The following DSCAM variants were observed in gnomAD, a reference collection of about 807,000 sequenced individuals.
DSCAM encodes DS cell adhesion molecule.
In DSCAM, 47 loss-of-function variants were observed where a neutral mutation model predicts 217.7. The observed-to-expected ratio is 0.22, with a 90% CI of 0.17 to 0.28. DSCAM has a LOEUF of 0.28. Ranked by LOEUF, DSCAM falls within the 10% of genes least tolerant of loss-of-function variation. The pLI is 1.00. For missense variants in DSCAM, 2,080 were observed against 2,618.3 expected (o/e 0.79, Z 4.49); for synonymous variants, 1,056 against 1,015.3 (o/e 1.04, Z -0.76).
intron 10 of DSCAM, among the ~76,000 whole-genome samples, chr21:40,294,496 A>G (rs1228271125): frequency 2.0e-5 from 3 of 152,236 alleles, no homozygotes; most frequent in Non-Finnish European, 4.4e-5. Context: ...GCCCTTGGGC[A>G]GTACAGAGTA....
In DSCAM at chr21:40,801,365, G is replaced by A. The variant is rs143151256; in HGVS notation, c.43+45254C>T. 1.7e-3 allele frequency among the ~76,000 whole-genome samples: 258 copies of A among 152,352 alleles called. 6 individuals are homozygous for A. The South Asian group carries it at 0.022, about 13-fold the overall frequency. On this transcript the variant is annotated intron_variant, in intron 1 of 32. Transcript: ENST00000400454. Reference sequence around the variant, plus strand: ...TTTGAAAAGCTCTCATCTTGGCCAAGTGAAAAGTTAATAAGTGTGTTCAGG... The same window carrying A: ...TTTGAAAAGCTCTCATCTTGGCCAAATGAAAAGTTAATAAGTGTGTTCAGG...
chr21:40,626,212 C>T (rs1260570912), intron 3 of DSCAM, among the ~76,000 whole-genome samples: 1 of 152,054 alleles, frequency 6.6e-6, no homozygotes, highest in African/African-American at 2.4e-5. Flanking sequence ...CTTGATTTTA[C>T]CATCTTCCTG....
chr21:40,133,842 C>T lies in DSCAM; in HGVS notation c.3562+12G>A, dbSNP rs1355899365. 1 of 1,591,912 alleles carries T rather than the reference C, an allele frequency of 6.3e-7. No individual in the cohort carries two copies. Among genetic ancestry groups the T allele is most frequent in the Non-Finnish European group, 8.6e-7 (1 of 1,168,736 alleles). On this transcript the variant is annotated intron_variant, in intron 19 of 32. Coordinates refer to ENST00000400454, the MANE Select transcript of DSCAM (RefSeq NM_001389.5). ...AGCAACTGCTGGGACCCACCGCCCA[C>T]CCGTCTCTCACCATCCTCTTTGGTC... is the stretch of plus-strand genomic sequence containing the variant.
At chr21:40,771,253 T>G (rs2091442254) in intron 1 of DSCAM, among the ~76,000 whole-genome samples, 1 of 152,176 alleles carries the variant, frequency 6.6e-6, no homozygotes, top group African/African-American at 2.4e-5. Context: ...GTATTTTCAT[T>G]GAGCAGGCCA....
At chr21:40,077,073 G>A (rs775065958) in intron 26 of DSCAM, among the ~76,000 whole-genome samples, 2 of 152,162 alleles carry the variant, frequency 1.3e-5, no homozygotes, top group Non-Finnish European at 2.9e-5. Context: ...AAGAGTGAGG[G>A]CTATAAAATT....
chr21:40,502,128 A>G (rs1369847226), intron 3 of DSCAM, among the ~76,000 whole-genome samples: 1 of 152,194 alleles, frequency 6.6e-6, no homozygotes, highest in Non-Finnish European at 1.5e-5. Flanking sequence ...ATCATGTTTT[A>G]AAATTATTAA....
intron 19 of DSCAM, among the ~76,000 whole-genome samples, chr21:40,127,617 T>C (rs912293635): frequency 6.6e-6 from 1 of 152,190 alleles, no homozygotes; most frequent in South Asian, 2.1e-4. Flanking sequence ...ATGTGTCCAA[T>C]TGGCTGAGAT....
rs192873477 is a variant in DSCAM, at chr21:40,273,228, T to A, written c.2356+2869A>T. 3.6e-3 allele frequency among the ~76,000 whole-genome samples: 546 copies of A among 152,352 alleles called. 2 individuals are homozygous for A. The highest frequency in any genetic ancestry group is 0.013 in the African/African-American group (524 of 41,578). ...ATGTCTTACAATGTGTTTTCACATG[T>A]GTTACCCTGTTTAATTTTCATGATA... On this transcript the variant is annotated intron_variant, in intron 11 of 32. Coordinates refer to ENST00000400454, the MANE Select transcript of DSCAM (RefSeq NM_001389.5).
At chr21:40,476,409 A>G (rs2075936173) in intron 3 of DSCAM, among the ~76,000 whole-genome samples, 1 of 152,210 alleles carries the variant, frequency 6.6e-6, no homozygotes, top group African/African-American at 2.4e-5. Flanking sequence ...TAACATTAAT[A>G]TGCATATATT....
At chr21:40,616,889 C>T (rs1210088481) in intron 3 of DSCAM, among the ~76,000 whole-genome samples, 2 of 149,132 alleles carry the variant, frequency 1.3e-5, no homozygotes, top group East Asian at 4.2e-4. Flanking sequence ...TAGTGGCGGG[C>T]GCCTGTAGTC....
At chr21:40,236,786 T>C (rs1168815990) in intron 11 of DSCAM, among the ~76,000 whole-genome samples, 1 of 152,220 alleles carries the variant, frequency 6.6e-6, no homozygotes, top group Non-Finnish European at 1.5e-5. Flanking sequence ...AGTCAGTGTC[T>C]ACCTAATTAC....
intron 11 of DSCAM, among the ~76,000 whole-genome samples, chr21:40,247,481 G>A (rs2073242188): frequency 6.6e-6 from 1 of 152,112 alleles, no homozygotes; most frequent in South Asian, 2.1e-4. Context: ...AAAACAAAGG[G>A]GCTACAGGCC....
At chr21:40,021,205 C>CAAAAAAAAAA (rs763435750) in intron 32 of DSCAM, among the ~76,000 whole-genome samples, 1 of 85,080 alleles carries the variant, frequency 1.2e-5, no homozygotes, top group Non-Finnish European at 2.2e-5. Flanking sequence ...GACTCCGTCT[C>CAAAAAAAAAA]AAAAAAAAAA....
intron 3 of DSCAM, among the ~76,000 whole-genome samples, chr21:40,516,561 C>G (rs2076301066): frequency 6.6e-6 from 1 of 152,164 alleles, no homozygotes; most frequent in African/African-American, 2.4e-5. Flanking sequence ...CGGCAACACA[C>G]AGAGCCTTGA....
intron 11 of DSCAM, among the ~76,000 whole-genome samples, chr21:40,208,200 C>T (rs2146872948): frequency 6.6e-6 from 1 of 152,268 alleles, no homozygotes; most frequent in Non-Finnish European, 1.5e-5. Context: ...TATCTGTAAT[C>T]CCAGCACTTT....
chr21:40,562,299 C>T (rs755713405), intron 3 of DSCAM, among the ~76,000 whole-genome samples: 21 of 152,202 alleles, frequency 1.4e-4, no homozygotes, highest in Non-Finnish European at 2.9e-4. Flanking sequence ...TTTTCCCAGA[C>T]TCTCACATGC....
chr21:40,456,715 G>A (rs1319603374), intron 3 of DSCAM, among the ~76,000 whole-genome samples: 1 of 151,680 alleles, frequency 6.6e-6, no homozygotes, highest in Non-Finnish European at 1.5e-5. Context: ...GAATACAATG[G>A]AATGATGAGT....
At chr21:40,319,686 C>T (rs1415783153) in intron 8 of DSCAM, among the ~76,000 whole-genome samples, 2 of 152,124 alleles carry the variant, frequency 1.3e-5, no homozygotes, top group Admixed American at 1.3e-4. Context: ...TTTACATCCC[C>T]ACCAACACTG....
chr21:40,354,984 A>G (rs896336037), intron 4 of DSCAM, among the ~76,000 whole-genome samples: 1 of 152,114 alleles, frequency 6.6e-6, no homozygotes, highest in Non-Finnish European at 1.5e-5. Flanking sequence ...TTTCACAAAT[A>G]TGTTTTGATC....
Sources: allele counts gnomAD v4.1 joint callset (sites outside exome capture counted in the v4.1 genomes callset), GRCh38; gene constraint gnomAD v4.1.1; transcripts MANE v1.5; gene names NCBI Gene and HGNC (gene_info 2026-07-23, HGNC 2026-07-21).